The following INPP4B variants were observed in gnomAD, a reference collection of about 807,000 sequenced individuals.
The protein encoded by INPP4B is inositol polyphosphate-4-phosphatase type II B, also known as inositol polyphosphate 4-phosphatase type II.
In INPP4B, 55 loss-of-function variants were observed where a neutral mutation model predicts 122.5. The observed-to-expected ratio is 0.45, with a 90% CI of 0.36 to 0.56. The LOEUF is 0.56. Among genes scored for constraint, INPP4B ranks in the 20% least tolerant of loss-of-function variants. The probability of loss-of-function intolerance (pLI) is 0.00; values close to 1 mark genes in which losing one functional copy is unlikely to be tolerated. For missense variants in INPP4B, 1,000 were observed against 1,097.7 expected, an observed-to-expected ratio of 0.91 and a Z score of 1.26; for synonymous variants, 403 against 388.7, an observed-to-expected ratio of 1.04 and a Z score of -0.43.
intron 14 of INPP4B, among the ~76,000 whole-genome samples, chr4:142,196,457 C>A (rs561999812): frequency 1.3e-5 from 2 of 152,274 alleles, no homozygotes; most frequent in African/African-American, 4.8e-5. Flanking sequence ...ACAACACATT[C>A]CTTTAAGCCT....
chr4:142,534,730 T>G (rs1314344221), intron 2 of INPP4B, among the ~76,000 whole-genome samples: 9 of 151,320 alleles, frequency 5.9e-5, no homozygotes, highest in Admixed American at 5.9e-4. Flanking sequence ...ATGCAAAGTT[T>G]GGAGAGTGTC....
intron 5 of INPP4B, among the ~76,000 whole-genome samples, chr4:142,424,984 G>A (rs1461219926): frequency 6.6e-6 from 1 of 151,936 alleles, no homozygotes; most frequent in Admixed American, 6.6e-5. Context: ...AGAAATAATG[G>A]CTCTGTTAAA....
At chr4:142,489,797 T>C (rs368243405) in intron 2 of INPP4B, among the ~76,000 whole-genome samples, 41 of 152,310 alleles carry the variant, frequency 2.7e-4, no homozygotes, top group African/African-American at 9.6e-4. Flanking sequence ...GTTGTGCCAA[T>C]TTTTAAGCTT....
Position 142,374,341 on chromosome 4 carries a change from C to T in INPP4B, c.372+28597G>A, listed in dbSNP as rs370322317. Among the ~76,000 whole-genome samples the T allele has an allele frequency of 1.3e-3, 204 of 151,942 alleles. 5 individuals are homozygous for T. The South Asian group carries it at 0.042, about 31-fold the overall frequency. ...TCTAAGCAAAGATGCATTTTGTATG[C>T]TATAATTTTTTTCTTATAACTTTTC... On this transcript the variant is annotated intron_variant, in intron 7 of 25. Coordinates refer to ENST00000262992, the MANE Select transcript of INPP4B (RefSeq NM_001101669.3).
chr4:142,556,813 C>A (rs59320449), intron 2 of INPP4B, among the ~76,000 whole-genome samples: 2 of 152,158 alleles, frequency 1.3e-5, no homozygotes, highest in Admixed American at 6.5e-5. Flanking sequence ...AAAAGAAGCA[C>A]GCAAATTGCA....
intron 9 of INPP4B, among the ~76,000 whole-genome samples, chr4:142,279,352 G>T (rs908595632): frequency 6.6e-6 from 1 of 151,772 alleles, no homozygotes. Context: ...AAAATAAAAT[G>T]AAGGAATTGA....
chr4:142,133,617 C>A (rs2152799403), intron 18 of INPP4B, among the ~76,000 whole-genome samples: 1 of 152,274 alleles, frequency 6.6e-6, no homozygotes, highest in Admixed American at 6.5e-5. Flanking sequence ...AGAGTAAAAA[C>A]AACATTTACA....
At chr4:142,421,906 C>T (rs778828106) in intron 5 of INPP4B, among the ~76,000 whole-genome samples, 33 of 152,204 alleles carry the variant, frequency 2.2e-4, no homozygotes, top group Non-Finnish European at 1.8e-4. Context: ...TGTTTATCCT[C>T]ATCACCTCCT....
At position 142,122,010 on chromosome 4, in the gene INPP4B, A is replaced by AG. The variant is rs933444501; in HGVS notation, c.2135+117dup. The AG allele has an allele frequency of 1.5e-5, 10 of 685,032 alleles. No individual in the cohort carries two copies. In the African/African-American group the frequency reaches 1.5e-4, roughly 10 times the overall value. The allele number at this position is 685,032 out of a possible 1,614,324, so 42.4% of individuals were successfully genotyped here. ...TGTGTATTTCTTACCAAAAAGGAAA[A>AG]GAAAAAAAACAAAAGAAATATTCCC... On this transcript the variant is annotated intron_variant, in intron 21 of 25. Coordinates refer to ENST00000262992, the MANE Select transcript of INPP4B (RefSeq NM_001101669.3).
chr4:142,681,179 T>C (rs559950380), intron 2 of INPP4B, among the ~76,000 whole-genome samples: 5 of 151,990 alleles, frequency 3.3e-5, no homozygotes, highest in African/African-American at 1.2e-4. Context: ...TATATTCTTA[T>C]TGACTGTAAT....
chr4:142,511,290 A>G (rs1391748743), intron 2 of INPP4B, among the ~76,000 whole-genome samples: 1 of 152,182 alleles, frequency 6.6e-6, no homozygotes, highest in Non-Finnish European at 1.5e-5. Flanking sequence ...AGATCAGGAC[A>G]TAATGCTAAG....
chr4:142,438,357 T>A (rs1356239666), intron 3 of INPP4B, among the ~76,000 whole-genome samples: 1 of 152,022 alleles, frequency 6.6e-6, no homozygotes, highest in Admixed American at 6.6e-5. Flanking sequence ...AACCAACAAA[T>A]ATAACAATGG....
intron 1 of INPP4B, among the ~76,000 whole-genome samples, chr4:142,841,858 T>G (rs1438622412): frequency 6.6e-6 from 1 of 151,914 alleles, no homozygotes; most frequent in African/African-American, 2.4e-5. Context: ...TCTCGCAAAC[T>G]TTTCTATCCT....
chr4:142,122,024 A>G lies in INPP4B; in HGVS notation c.2135+104T>C, dbSNP rs538789704. On this transcript the variant is annotated intron_variant, in intron 21 of 25. Transcript: ENST00000262992. ...CAAAAAGGAAAAGAAAAAAAACAAA[A>G]GAAATATTCCCAAATCAAACCTGAA... 3.3e-5 allele frequency: 24 copies of G among 735,020 alleles called. No individual in the cohort carries two copies. The African/African-American group carries it at 3.8e-4, about 12-fold the overall frequency. 45.5% of individuals were successfully genotyped at this position (735,020 alleles called of 1,614,324 possible).
At chr4:142,173,936 A>G in intron 15 of INPP4B, 127 bp from the exon 16 acceptor site, 1 of 777,870 alleles carries the variant, frequency 1.3e-6, no homozygotes, top group Non-Finnish European at 2.1e-6. Flanking sequence ...AACTGTCCTA[A>G]GAGATTTTTA....
chr4:142,246,061 G>GTGTGTGTATACACACATTATATATATA (rs1398885928), intron 11 of INPP4B, among the ~76,000 whole-genome samples: 44 of 28,602 alleles, frequency 1.5e-3, no homozygotes, highest in African/African-American at 4.0e-3. Flanking sequence ...TTATATATAT[G>GTGTGTGTATACACACATTATATATATA]TGTGTGTGTA....
chr4:142,392,385 T>C (rs752043757), intron 7 of INPP4B, among the ~76,000 whole-genome samples: 2 of 152,220 alleles, frequency 1.3e-5, no homozygotes, highest in African/African-American at 4.8e-5. Flanking sequence ...TGTGCACTTA[T>C]GGCATATACT....
At chr4:142,146,521 C>A (rs755445113) in intron 17 of INPP4B, among the ~76,000 whole-genome samples, 2 of 152,056 alleles carry the variant, frequency 1.3e-5, no homozygotes, top group African/African-American at 2.4e-5. Flanking sequence ...AACTCTGCAC[C>A]CCTTACACAC....
At chr4:142,152,093 T>TTTTTTTTTTTTTTTTTTTG in intron 17 of INPP4B, among the ~76,000 whole-genome samples, 1 of 57,940 alleles carries the variant, frequency 1.7e-5, no homozygotes, top group African/African-American at 5.0e-5. Flanking sequence ...TTTTTTTTTT[T>TTTTTTTTTTTTTTTTTTTG]GACGGAGTCT....
Sources: allele counts gnomAD v4.1 joint callset (sites outside exome capture counted in the v4.1 genomes callset), GRCh38; gene constraint gnomAD v4.1.1; transcripts MANE v1.5; gene names NCBI Gene and HGNC (gene_info 2026-07-23, HGNC 2026-07-21).